SP110: variants seen among roughly 807,000 people sequenced by gnomAD.
SP110 encodes interferon-induced protein 41, 30kD.
A neutral mutation model predicts 92.7 loss-of-function variants in SP110; 62 were observed. The ratio of observed to expected loss-of-function variants is 0.67; its 90% CI spans 0.55 to 0.83. SP110 has a LOEUF of 0.83. Ranked by LOEUF, SP110 falls within the 40% of genes least tolerant of loss-of-function variation. The probability of loss-of-function intolerance (pLI) is 0.00; values close to 1 mark genes in which losing one functional copy is unlikely to be tolerated. For missense variants in SP110, 793 were observed against 863.9 expected (o/e 0.92, Z 1.03); for synonymous variants, 273 against 305.3 (o/e 0.89, Z 1.10).
At chr2:230,201,137 G>A (rs1156640138) in intron 9 of SP110, among the ~76,000 whole-genome samples, 172 bp from the exon 10 acceptor site, 1 of 152,172 alleles carries the variant, frequency 6.6e-6, no homozygotes, top group Non-Finnish European at 1.5e-5. Context: ...CACTGTGCCT[G>A]TCTGCCACTC....
In SP110 at chr2:230,200,920, T is replaced by C; in HGVS notation, c.1094A>G (p.Gln365Arg). ...TSEMNEGKRS[Q>R]KTPSTPRRVT... ...CCTTCGTGGTGTACTAGGCGTCTTCTGGGACCTCTTTCCTTCATTCATTTC... is the reference window on the plus strand; with the variant it reads ...CCTTCGTGGTGTACTAGGCGTCTTCCGGGACCTCTTTCCTTCATTCATTTC... Residue 365 changes from glutamine (Q) to arginine (R), a missense_variant, in exon 10 of 19, where the codon CAG becomes CGG. Transcript: ENST00000258381. 6.2e-7 allele frequency: 1 copy of C among 1,614,056 alleles called. No homozygotes were observed. Among genetic ancestry groups the C allele is most frequent in the Non-Finnish European group, 8.5e-7 (1 of 1,179,902 alleles).
At chr2:230,225,567 G>C (rs1271405191) in exon 1 of SP110, 1 of 516,096 alleles carries the variant, frequency 1.9e-6, no homozygotes, top group Non-Finnish European at 3.5e-6. Context: ...TGAGTTGAAT[G>C]ACTTTTCCAC....
chr2:230,195,946 A>G (rs928860939), intron 10 of SP110, among the ~76,000 whole-genome samples: 1 of 152,204 alleles, frequency 6.6e-6, no homozygotes, highest in African/African-American at 2.4e-5. Context: ...AATATAAGTT[A>G]AAAATGCTCA....
chr2:230,208,941 G>A (rs1435935335), intron 7 of SP110, among the ~76,000 whole-genome samples: 1 of 152,196 alleles, frequency 6.6e-6, no homozygotes, highest in Admixed American at 6.5e-5. Flanking sequence ...AAAAAGCTGG[G>A]AAGCAAAGAA....
At chr2:230,200,798 G>T in intron 10 of SP110, 87 bp downstream of exon 10, 2 of 1,062,454 alleles carry the variant, frequency 1.9e-6, no homozygotes, top group Non-Finnish European at 1.5e-6. Context: ...AAAAAAAAAA[G>T]TTAAGAAATA....
intron 10 of SP110, among the ~76,000 whole-genome samples, chr2:230,194,192 G>C (rs768700544): frequency 6.6e-6 from 1 of 152,166 alleles, no homozygotes; most frequent in Non-Finnish European, 1.5e-5. Flanking sequence ...ATTCATGTTT[G>C]GGAGCTGGGA....
At chr2:230,186,686 C>T (rs566557861) in intron 10 of SP110, among the ~76,000 whole-genome samples, 17 of 152,232 alleles carry the variant, frequency 1.1e-4, no homozygotes, top group African/African-American at 3.9e-4. Context: ...TCTCCATAAT[C>T]CGTTATATCA....
chr2:230,219,527 T>A (rs1400876670), intron 1 of SP110: 1 of 152,202 alleles, frequency 6.6e-6, no homozygotes, highest in African/African-American at 2.4e-5. Context: ...TACTCTCATT[T>A]TTTTCTTTTC....
In SP110 at chr2:230,178,767, G is replaced by T. The variant is rs578156358; in HGVS notation, c.1349-512C>A. On this transcript the variant is annotated intron_variant, in intron 12 of 18. Transcript: ENST00000258381. ...ATTGCTTCCCTGCTTCTTCCTCGAT[G>T]AATAAAAGAAAACCCTGGAGAGCTT... Among the ~76,000 whole-genome samples, 112 of 152,272 alleles carry T rather than the reference G, an allele frequency of 7.4e-4. 3 individuals are homozygous for T. The South Asian group carries it at 0.023, about 31-fold the overall frequency.
intron 14 of SP110, among the ~76,000 whole-genome samples, chr2:230,174,590 C>CTA (rs2041766972): frequency 6.6e-6 from 1 of 152,218 alleles, no homozygotes; most frequent in African/African-American, 2.4e-5. Context: ...CAGCCTCACA[C>CTA]TATATGCTGA....
At chr2:230,207,413 A>C (rs1272976015) in intron 8 of SP110, among the ~76,000 whole-genome samples, 1 of 152,162 alleles carries the variant, frequency 6.6e-6, no homozygotes, top group African/African-American at 2.4e-5. Context: ...ACTCATATAT[A>C]TAAGGAGATA....
intron 14 of SP110, among the ~76,000 whole-genome samples, chr2:230,174,976 T>A (rs1245033521): frequency 6.6e-6 from 1 of 152,020 alleles, no homozygotes; most frequent in Non-Finnish European, 1.5e-5. Flanking sequence ...AGCTGACATG[T>A]GGCATTAGGA....
intron 10 of SP110, among the ~76,000 whole-genome samples, chr2:230,192,317 T>C (rs1033979377): frequency 1.3e-5 from 2 of 152,130 alleles, no homozygotes; most frequent in East Asian, 1.9e-4. Flanking sequence ...ATAAAGCGTA[T>C]TCAAATAGGA....
chr2:230,185,041 A>G (rs766311458), intron 11 of SP110, among the ~76,000 whole-genome samples: 1 of 152,140 alleles, frequency 6.6e-6, no homozygotes, highest in Non-Finnish European at 1.5e-5. Context: ...TTTGGAAAAA[A>G]TTTGCCAAGC....
At chr2:230,224,515 CAG>C (rs879416639), upstream of SP110, among the ~76,000 whole-genome samples, 228 of 138,842 alleles carry the variant, frequency 1.6e-3, no homozygotes, top group Middle Eastern at 3.9e-3. Context: ...AGAGAGAGGA[CAG>C]AGAGAGAGAG....
At chr2:230,219,080 C>A (rs747232570) in intron 1 of SP110, among the ~76,000 whole-genome samples, 103 of 152,218 alleles carry the variant, frequency 6.8e-4, no homozygotes, top group Non-Finnish European at 1.0e-3. Context: ...CAAAAATTAG[C>A]TGGGCGTGGT....
chr2:230,172,369 C>A lies in SP110; in HGVS notation c.1707-195G>T, dbSNP rs556393069. The A allele has an allele frequency of 1.4e-4, 92 of 635,514 alleles. 1 individual carries two copies. The South Asian group carries it at 1.6e-3, about 11-fold the overall frequency. 39.4% of individuals were successfully genotyped at this position (635,514 alleles called of 1,614,324 possible). A position where few individuals can be genotyped will look rare whatever the true frequency, so the allele number is the denominator to read the frequency against. On this transcript the variant is annotated intron_variant, in intron 15 of 18. Transcript: ENST00000258381. ...CGCATCAGTGGTAGCGGCAGGCGGG[C>A]AGCCTGAGGAAGGTGGTGTCACTGT...
chr2:230,171,504 T>C (rs1372246789), intron 17 of SP110, 192 bp downstream of exon 17: 5 of 630,704 alleles, frequency 7.9e-6, no homozygotes, highest in South Asian at 7.3e-5. Context: ...CCGTGAGCAG[T>C]GGGGTGGAGT....
At position 230,171,006 on chromosome 2, in the gene SP110, G is replaced by A; in HGVS notation, c.1888-245C>T. 5.2e-6 allele frequency: 3 copies of A among 576,970 alleles called. 1 individual carries two copies. The highest frequency in any genetic ancestry group is 4.0e-5 in the South Asian group (2 of 49,610). The allele number at this position is 576,970 out of a possible 1,614,324, so 35.7% of individuals were successfully genotyped here. On this transcript the variant is annotated intron_variant, in intron 17 of 18. Transcript: ENST00000258381. ...CCATTTCATAGATGAGGAAACCGAG[G>A]GATGGAGAGGTCAAGGAACCTACCC...
Sources: allele counts gnomAD v4.1 joint callset (sites outside exome capture counted in the v4.1 genomes callset), GRCh38; gene constraint gnomAD v4.1.1; transcripts MANE v1.5; gene names NCBI Gene and HGNC (gene_info 2026-07-23, HGNC 2026-07-21).